KIAA0232: variants seen among roughly 807,000 people sequenced by gnomAD.
KIAA0232 encodes KIAA0232.
In KIAA0232, 27 loss-of-function variants were observed where a neutral mutation model predicts 122.0. The observed-to-expected ratio is 0.22, with a 90% confidence interval of 0.16 to 0.31. The LOEUF (loss-of-function observed/expected upper bound fraction) is 0.31, where lower values mean the gene tolerates loss of function less well. Ranked by LOEUF, KIAA0232 falls within the 10% of genes least tolerant of loss-of-function variation. The pLI, the probability that KIAA0232 is intolerant of heterozygous loss-of-function variation, is 1.00. For synonymous variants in KIAA0232, 613 were observed against 587.6 expected, an observed-to-expected ratio of 1.04 and a Z score of -0.63; for missense variants, 1,551 against 1,634.2, an observed-to-expected ratio of 0.95 and a Z score of 0.88.
intron 3 of KIAA0232, among the ~76,000 whole-genome samples, chr4:6,827,522 T>TCATTTCCTCAC (rs1718755660): frequency 1.3e-5 from 2 of 152,230 alleles, no homozygotes; most frequent in African/African-American, 4.8e-5. Context: ...TCCTGGGTGT[T>TCATTTCCTCAC]CATTTCCTCA....
At chr4:6,797,458 C>A (rs147314601) in intron 1 of KIAA0232, among the ~76,000 whole-genome samples, 1 of 152,172 alleles carries the variant, frequency 6.6e-6, no homozygotes, top group Non-Finnish European at 1.5e-5. Context: ...AAAAAGACTT[C>A]GCTTTAACCC....
At chr4:6,800,031 C>CTTTTTTTTTTTTTTTTTTTTTTTT in intron 1 of KIAA0232, among the ~76,000 whole-genome samples, 1 of 83,268 alleles carries the variant, frequency 1.2e-5, no homozygotes, top group Non-Finnish European at 2.5e-5. Flanking sequence ...CTTTTTCTTT[C>CTTTTTTTTTTTTTTTTTTTTTTTT]TTTCTTTCTT....
intron 1 of KIAA0232, among the ~76,000 whole-genome samples, chr4:6,804,295 G>A (rs531522528): frequency 6.6e-6 from 1 of 152,124 alleles, no homozygotes; most frequent in African/African-American, 2.4e-5. Context: ...TCTTGTTCTG[G>A]TACATGAACA....
In KIAA0232 at chr4:6,880,776, TTTAATC is replaced by T; in HGVS notation, c.4009-7_4009-2del. ...GTCTTTTTGATGTGTTGAAAATTGT[TTTAATC>T]TTAGGTGTCTTCTGTTTATGAAGCA... is the stretch of plus-strand genomic sequence containing the variant. On this transcript the variant is annotated splice_polypyrimidine_tract_variant and splice_region_variant and intron_variant, in intron 9 of 9. Coordinates refer to ENST00000307659, the MANE Select transcript of KIAA0232 (RefSeq NM_014743.3). 1 of 1,499,826 alleles carries T rather than the reference TTTAATC, an allele frequency of 6.7e-7. No homozygotes were observed. Among genetic ancestry groups the T allele is most frequent in the Non-Finnish European group, 8.9e-7 (1 of 1,119,672 alleles). 92.9% of individuals were successfully genotyped at this position (1,499,826 alleles called of 1,614,324 possible). A position where few individuals can be genotyped will look rare whatever the true frequency, so the allele number is the denominator to read the frequency against.
intron 5 of KIAA0232, among the ~76,000 whole-genome samples, chr4:6,857,881 G>A (rs766385713): frequency 6.6e-6 from 1 of 152,158 alleles, no homozygotes; most frequent in African/African-American, 2.4e-5. Flanking sequence ...CCTTGAGCCT[G>A]CCTCTTAAGG....
intron 1 of KIAA0232, among the ~76,000 whole-genome samples, chr4:6,797,842 C>T (rs1054061745): frequency 2.7e-5 from 4 of 150,662 alleles, no homozygotes; most frequent in African/African-American, 4.9e-5. Flanking sequence ...GAGGCCGAGG[C>T]GGGCGGATCA....
At position 6,855,509 on chromosome 4, in the gene KIAA0232, A is replaced by G. The variant is rs1720524668; in HGVS notation, c.370-1655A>G. On this transcript the variant is annotated intron_variant, in intron 4 of 9. Transcript: ENST00000307659. The surrounding 1 kb of genome is among the most constrained non-coding windows in gnomAD (Gnocchi z 4.3). ...TAAGCTCTTATTTTGCTGTTTAAACATGAGAGCAAAAAAAATATATGTTTA... is the reference window on the plus strand; with the variant it reads ...TAAGCTCTTATTTTGCTGTTTAAACGTGAGAGCAAAAAAAATATATGTTTA... 6.6e-6 allele frequency among the ~76,000 whole-genome samples: 1 copy of G among 152,206 alleles called. No homozygotes were observed. The highest frequency in any genetic ancestry group is 1.5e-5 in the Non-Finnish European group (1 of 68,040).
intron 2 of KIAA0232, among the ~76,000 whole-genome samples, chr4:6,820,319 A>G (rs1718362681): frequency 6.6e-6 from 1 of 152,176 alleles, no homozygotes; most frequent in Admixed American, 6.5e-5. Context: ...AAGTTTGGGG[A>G]AAAGCTGGCA....
Position 6,862,649 on chromosome 4 carries a change from A to G in KIAA0232, c.2267A>G (p.Glu756Gly). Reference protein sequence around the residue: ...VPRVSSNYVDEELLDFLQDET... With the variant: ...VPRVSSNYVDGELLDFLQDET... ...AGAGTCTCGTCAAATTATGTAGATG[A>G]AGAACTTCTAGATTTTTTGCAAGAT... Residue 756 changes from glutamate to glycine, a missense_variant, in exon 7 of 10, where the codon GAA becomes GGA. This residue lies in a region of KIAA0232 where 1,108 missense variants were observed against 1,154.8 expected (regional missense o/e 0.96). Coordinates refer to ENST00000307659, the MANE Select transcript of KIAA0232 (RefSeq NM_014743.3). 6.2e-7 allele frequency: 1 copy of G among 1,612,926 alleles called. No homozygotes were observed. The highest frequency in any genetic ancestry group is 8.5e-7 in the Non-Finnish European group (1 of 1,179,680).
intron 8 of KIAA0232, among the ~76,000 whole-genome samples, chr4:6,876,302 G>T (rs1577422074): frequency 6.6e-6 from 1 of 152,184 alleles, no homozygotes; most frequent in East Asian, 1.9e-4. Flanking sequence ...GTTGTGGAGA[G>T]CATGGGCCCT....
At chr4:6,867,726 G>T (rs556351017) in intron 7 of KIAA0232, among the ~76,000 whole-genome samples, 3 of 152,130 alleles carry the variant, frequency 2.0e-5, no homozygotes, top group African/African-American at 7.2e-5. Flanking sequence ...TGTGCCACCC[G>T]GCACATCTAT....
rs780999317 is a variant in KIAA0232, at chr4:6,862,298, A to G, written c.1916A>G (p.Asn639Ser). The G allele has an allele frequency of 5.6e-6, 9 of 1,614,166 alleles. No homozygotes were observed. In the East Asian group the frequency reaches 1.6e-4, roughly 28 times the overall value. Residue 639 changes from asparagine to serine, a missense_variant, in exon 7 of 10, where the codon AAT becomes AGT. Physicochemically the swap from Asn to Ser is conservative, Grantham distance 46. Coordinates refer to ENST00000307659, the MANE Select transcript of KIAA0232 (RefSeq NM_014743.3). The part of the protein sequence containing the change: ...AGNQELFSDI[N>S]EGSGINSCFS... ...AATCAAGAGCTCTTTTCAGATATTA[A>G]TGAAGGATCTGGTATAAACTCTTGT...
chr4:6,877,614 C>T (rs1011288507), intron 9 of KIAA0232, among the ~76,000 whole-genome samples: 5 of 151,986 alleles, frequency 3.3e-5, no homozygotes, highest in African/African-American at 7.3e-5. Context: ...ACTTGGAGTC[C>T]GATGTTCGAG....
In KIAA0232 at chr4:6,881,253, T is replaced by G; in HGVS notation, c.*287T>G. On this transcript the variant is annotated 3_prime_UTR_variant, in exon 10 of 10. Coordinates refer to ENST00000307659, the MANE Select transcript of KIAA0232 (RefSeq NM_014743.3). Reference sequence around the variant, plus strand: ...GTGCTTGTCTTAGAAGTATCACTGCTTTTTGCATCTTAACTGCAGTTAATT... The same window carrying G: ...GTGCTTGTCTTAGAAGTATCACTGCGTTTTGCATCTTAACTGCAGTTAATT... 8.1e-6 allele frequency: 2 copies of G among 246,774 alleles called. No individual in the cohort carries two copies. The highest frequency in any genetic ancestry group is 1.5e-5 in the Non-Finnish European group (2 of 129,908). The allele number at this position is 246,774 out of a possible 1,614,324, so 15.3% of individuals were successfully genotyped here. A position where few individuals can be genotyped will look rare whatever the true frequency, so the allele number is the denominator to read the frequency against.
intron 1 of KIAA0232, among the ~76,000 whole-genome samples, chr4:6,804,092 C>T (rs1717507463): frequency 6.6e-6 from 1 of 152,088 alleles, no homozygotes; most frequent in African/African-American, 2.4e-5. Context: ...GGGGAGAGTT[C>T]CATAAGATAA....
intron 1 of KIAA0232, among the ~76,000 whole-genome samples, chr4:6,788,165 G>A (rs562820441): frequency 6.7e-4 from 102 of 152,190 alleles, no homozygotes; most frequent in Admixed American, 9.8e-4. Context: ...TGAGTAGCTG[G>A]GACTACAGGC....
intron 4 of KIAA0232, among the ~76,000 whole-genome samples, chr4:6,845,989 A>G (rs1038808255): frequency 9.2e-5 from 14 of 151,890 alleles, no homozygotes; most frequent in African/African-American, 3.4e-4. Flanking sequence ...TCTTTAGGTT[A>G]TTGCTTTGGG....
chr4:6,878,926 A>T (rs1256694913), intron 9 of KIAA0232, among the ~76,000 whole-genome samples: 2 of 152,034 alleles, frequency 1.3e-5, no homozygotes, highest in African/African-American at 4.8e-5. Context: ...GGCCCCCACC[A>T]GCTCTCTCCT....
At chr4:6,842,789 A>T (rs1719733681) in intron 4 of KIAA0232, among the ~76,000 whole-genome samples, 1 of 152,066 alleles carries the variant, frequency 6.6e-6, no homozygotes. Flanking sequence ...GGGTTTCACC[A>T]TGTTGGCCAG....
Sources: gnomAD v4.1 joint callset for allele counts (sites outside exome capture counted in the v4.1 genomes callset) on GRCh38, gnomAD v4.1.1 for gene constraint, gnomAD v4.1.1 regional missense constraint, Gnocchi (gnomAD v3.1) non-coding constraint, MANE v1.5 for transcripts, NCBI Gene and HGNC (gene_info 2026-07-23, HGNC 2026-07-21) for gene names.